The following DOCK3 variants were observed in gnomAD, a reference collection of about 807,000 sequenced individuals.
DOCK3 encodes dedicator of cytokinesis protein 3.
A neutral mutation model predicts 265.6 loss-of-function variants in DOCK3; 60 were observed. That is an observed-to-expected ratio of 0.23 (90% CI 0.18 to 0.28). The LOEUF (loss-of-function observed/expected upper bound fraction) is 0.28. Ranked by LOEUF, DOCK3 falls within the 10% of genes least tolerant of loss-of-function variation. The pLI is 1.00. For synonymous variants in DOCK3, 881 were observed against 938.0 expected (o/e 0.94, Z 1.11); for missense variants, 1,981 against 2,594.3 (o/e 0.76, Z 5.14).
intron 51 of DOCK3, among the ~76,000 whole-genome samples, chr3:51,377,593 G>A (rs2088244473): frequency 6.6e-6 from 1 of 152,216 alleles, no homozygotes; most frequent in African/African-American, 2.4e-5. Context: ...CTTTTCCTAG[G>A]ATAAGTCATT....
intron 27 of DOCK3, among the ~76,000 whole-genome samples, chr3:51,302,565 CCT>C (rs1239908335): frequency 3.3e-5 from 5 of 151,588 alleles, no homozygotes. Flanking sequence ...GTAATGTTTT[CCT>C]TTCCATATTT....
intron 4 of DOCK3, among the ~76,000 whole-genome samples, chr3:50,891,278 AG>A (rs1337161055): frequency 6.6e-6 from 1 of 152,106 alleles, no homozygotes; most frequent in African/African-American, 2.4e-5. Flanking sequence ...ATAGATTTGG[AG>A]ATGATAGTTA....
intron 5 of DOCK3, among the ~76,000 whole-genome samples, chr3:50,994,567 A>G (rs1277245279): frequency 6.6e-6 from 1 of 152,226 alleles, no homozygotes; most frequent in Non-Finnish European, 1.5e-5. Context: ...GATTTTGAAG[A>G]ACAAGTATGT....
chr3:50,759,521 A>G (rs989361131), intron 1 of DOCK3, among the ~76,000 whole-genome samples: 2 of 151,834 alleles, frequency 1.3e-5, no homozygotes, highest in African/African-American at 2.4e-5. Flanking sequence ...AAAAATGCCT[A>G]CTCAAGTCTT....
intron 5 of DOCK3, among the ~76,000 whole-genome samples, chr3:51,049,114 T>A (rs989704431): frequency 3.9e-5 from 6 of 152,088 alleles, no homozygotes; most frequent in Admixed American, 1.3e-4. Flanking sequence ...TTCCTTGACC[T>A]CAGGAGGTCC....
At chr3:50,833,123 G>A (rs1019715953) in intron 2 of DOCK3, among the ~76,000 whole-genome samples, 13 of 152,138 alleles carry the variant, frequency 8.5e-5, no homozygotes, top group Non-Finnish European at 1.6e-4. Context: ...TATGTGCCCA[G>A]AATTAGAATA....
intron 1 of DOCK3, among the ~76,000 whole-genome samples, chr3:50,692,423 C>A (rs1330979721): frequency 6.6e-6 from 1 of 152,154 alleles, no homozygotes; most frequent in Non-Finnish European, 1.5e-5. Flanking sequence ...CTAGATCCTT[C>A]ACATGCACAG....
chr3:51,351,309 T>G (rs1230814998), intron 40 of DOCK3, among the ~76,000 whole-genome samples: 1 of 152,172 alleles, frequency 6.6e-6, no homozygotes, highest in African/African-American at 2.4e-5. Context: ...AAAATTCCCT[T>G]TGATATGTTT....
intron 9 of DOCK3, among the ~76,000 whole-genome samples, chr3:51,140,814 C>T (rs1027607318): frequency 6.6e-6 from 1 of 152,148 alleles, no homozygotes; most frequent in Non-Finnish European, 1.5e-5. Context: ...GTGGTACCCT[C>T]ATTGTGCTTT....
intron 32 of DOCK3, among the ~76,000 whole-genome samples, chr3:51,326,767 G>A (rs369694753): frequency 4.6e-5 from 7 of 151,484 alleles, no homozygotes; most frequent in Admixed American, 2.0e-4. Context: ...GATTACAGGC[G>A]TGCACCACCA....
chr3:50,970,624 T>C (rs1319948839), intron 5 of DOCK3, among the ~76,000 whole-genome samples: 1 of 151,458 alleles, frequency 6.6e-6, no homozygotes, highest in Non-Finnish European at 1.5e-5. Flanking sequence ...TTGGTTTTTC[T>C]AAAAAGTGTG....
intron 4 of DOCK3, among the ~76,000 whole-genome samples, chr3:50,902,155 G>C (rs572738399): frequency 6.6e-6 from 1 of 152,164 alleles, no homozygotes; most frequent in South Asian, 2.1e-4. Flanking sequence ...CTCTGATGAT[G>C]TTTCTTTTGC....
intron 5 of DOCK3, among the ~76,000 whole-genome samples, chr3:50,952,594 G>A (rs2076623143): frequency 6.6e-6 from 1 of 152,090 alleles, no homozygotes; most frequent in Non-Finnish European, 1.5e-5. Context: ...CTCCTAGAAT[G>A]GCCAGCTTCT....
intron 12 of DOCK3, among the ~76,000 whole-genome samples, chr3:51,163,103 AT>A (rs1027110902): frequency 2.3e-4 from 35 of 152,198 alleles, no homozygotes; most frequent in Non-Finnish European, 1.5e-5. Context: ...TTCAGGCAAC[AT>A]TTTTGTTGGT....
chr3:51,362,475 T>G, intron 48 of DOCK3, 52 bp from the exon 49 acceptor site: 1 of 1,612,216 alleles, frequency 6.2e-7, no homozygotes, highest in East Asian at 2.2e-5. Context: ...GTGCCAGCCC[T>G]AAAGTCCTGG....
intron 15 of DOCK3, among the ~76,000 whole-genome samples, chr3:51,226,230 G>A (rs1483396616): frequency 1.3e-5 from 2 of 152,240 alleles, no homozygotes; most frequent in African/African-American, 2.4e-5. Context: ...GACTCAGGCC[G>A]TGGAAGATTT....
chr3:51,066,326 A>G (rs1316590352), intron 6 of DOCK3, among the ~76,000 whole-genome samples: 1 of 152,180 alleles, frequency 6.6e-6, no homozygotes, highest in Non-Finnish European at 1.5e-5. Context: ...CAAAACAAAC[A>G]AACAAAAACT....
intron 12 of DOCK3, among the ~76,000 whole-genome samples, chr3:51,193,188 C>A (rs1478358711): frequency 6.6e-6 from 1 of 151,980 alleles, no homozygotes; most frequent in South Asian, 2.1e-4. Flanking sequence ...TGATTTTTGT[C>A]CTTTATTCTG....
chr3:50,890,077 AG>A lies in DOCK3; in HGVS notation c.218+1del. The part of the protein sequence containing the change: ...IHLKKAIVSN[R>X]GQYETVVPLE... Reference sequence around the variant, plus strand: ...CTTGAAAAAGGCAATTGTCAGTAATAGGGGGTGAGTAATTGGCCTTACTAAA... The same window carrying A: ...CTTGAAAAAGGCAATTGTCAGTAATAGGGGTGAGTAATTGGCCTTACTAAA... On this transcript the variant is annotated frameshift_variant, in exon 4 of 53. Transcript: ENST00000266037. LOFTEE classifies it high-confidence loss of function. 2 of 1,436,090 alleles carry A rather than the reference AG, an allele frequency of 1.4e-6. No homozygotes were observed. The highest frequency in any genetic ancestry group is 1.6e-5 in the South Asian group (1 of 64,022). 89.0% of individuals were successfully genotyped at this position (1,436,090 alleles called of 1,614,324 possible).
Sources: allele counts gnomAD v4.1 joint callset (sites outside exome capture counted in the v4.1 genomes callset), GRCh38; gene constraint gnomAD v4.1.1; transcripts MANE v1.5; gene names NCBI Gene and HGNC (gene_info 2026-07-23, HGNC 2026-07-21).